ABCA13: variants seen among roughly 807,000 people sequenced by gnomAD.
ABCA13 encodes ATP-binding cassette sub-family A member 13.
ABCA13 carries 476 observed loss-of-function variants against 478.7 expected under a neutral mutation model. The observed-to-expected ratio is 0.99, with a 90% CI of 0.92 to 1.07. ABCA13 has a LOEUF of 1.07. Among genes scored for constraint, ABCA13 ranks in the 50% least tolerant of loss-of-function variants. The pLI is 0.00. For missense variants in ABCA13, 6,060 were observed against 5,910.6 expected, an observed-to-expected ratio of 1.03 and a Z score of -0.83; for synonymous variants, 2,252 against 2,158.9, an observed-to-expected ratio of 1.04 and a Z score of -1.20.
At chr7:48,533,658 A>G (rs1429816626) in intron 55 of ABCA13, among the ~76,000 whole-genome samples, 1 of 152,056 alleles carries the variant, frequency 6.6e-6, no homozygotes, top group Non-Finnish European at 1.5e-5. Flanking sequence ...TAATTGTTTT[A>G]TAAATTTAGG....
chr7:48,434,199 A>G (rs1822522518), intron 42 of ABCA13, among the ~76,000 whole-genome samples: 1 of 151,924 alleles, frequency 6.6e-6, no homozygotes, highest in South Asian at 2.1e-4. Context: ...TTAAATAATA[A>G]TCATCCTAAT....
intron 3 of ABCA13, among the ~76,000 whole-genome samples, chr7:48,201,169 A>T (rs1173948487): frequency 1.3e-5 from 2 of 152,258 alleles, no homozygotes; most frequent in Non-Finnish European, 2.9e-5. Flanking sequence ...CTCCTGAGTC[A>T]TTCAATAAGA....
rs767977899 is a variant in ABCA13, at chr7:48,274,865, C to A, written c.5199C>A (p.Arg1733=). The change falls in exon 17 of 62, where the codon CGC becomes CGA. Residue 1733 remains arginine (R), a synonymous_variant. Transcript: ENST00000435803. Reference sequence around the variant, plus strand: ...TTAATCATCTGCTGCAGCTCTCACGCCTGTTTCCTAAAGATGTTGTGGATG... The same window carrying A: ...TTAATCATCTGCTGCAGCTCTCACGACTGTTTCCTAAAGATGTTGTGGATG... ...WNVNHLLQLS[R]LFPKDVVDAV... 2.5e-6 allele frequency: 4 copies of A among 1,613,916 alleles called. No homozygotes were observed. In the South Asian group the frequency reaches 4.4e-5, roughly 18 times the overall value.
intron 55 of ABCA13, among the ~76,000 whole-genome samples, chr7:48,555,706 T>G (rs1302819397): frequency 6.6e-6 from 1 of 151,872 alleles, no homozygotes; most frequent in Non-Finnish European, 1.5e-5. Context: ...GTTTTCCCTC[T>G]TTTTTTCTCA....
At chr7:48,538,750 A>C (rs1382688950) in intron 55 of ABCA13, among the ~76,000 whole-genome samples, 1 of 151,826 alleles carries the variant, frequency 6.6e-6, no homozygotes, top group Non-Finnish European at 1.5e-5. Flanking sequence ...CATTTAAATG[A>C]TTTTTTTTGA....
At chr7:48,466,488 T>C (rs1826888264) in intron 43 of ABCA13, among the ~76,000 whole-genome samples, 1 of 152,224 alleles carries the variant, frequency 6.6e-6, no homozygotes, top group Non-Finnish European at 1.5e-5. Flanking sequence ...CCAAATGATA[T>C]TTCTTACATT....
chr7:48,447,944 G>T (rs1824502498), intron 42 of ABCA13, among the ~76,000 whole-genome samples: 2 of 152,276 alleles, frequency 1.3e-5, no homozygotes, highest in South Asian at 4.2e-4. Flanking sequence ...GAGAAGATTT[G>T]ATAGTAGGGA....
chr7:48,188,552 A>G (rs1796660944), intron 1 of ABCA13, among the ~76,000 whole-genome samples: 1 of 152,016 alleles, frequency 6.6e-6, no homozygotes, highest in African/African-American at 2.4e-5. Context: ...TCTGCTCTAG[A>G]AACTTTTTTT....
chr7:48,274,200 G>A lies in ABCA13; in HGVS notation c.4534G>A (p.Asp1512Asn). Reference protein sequence around the residue: ...MSINNLTTDFDFASQSNWRYF... With the variant: ...MSINNLTTDFNFASQSNWRYF... Reference sequence around the variant, plus strand: ...TATCAACAACTTAACAACAGACTTTGATTTTGCATCTCAGTCCAATTGGAG... The same window carrying A: ...TATCAACAACTTAACAACAGACTTTAATTTTGCATCTCAGTCCAATTGGAG... Residue 1512 changes from aspartate (D) to asparagine (N), a missense_variant, in exon 17 of 62, where the codon GAT becomes AAT. Physicochemically the swap from Asp to Asn is conservative, Grantham distance 23. Around this residue, in one of 3 missense-constraint regions of ABCA13, gnomAD observed 4,423 missense variants for 4,309.1 expected, o/e 1.03. Transcript: ENST00000435803. 1 of 1,612,514 alleles carries A rather than the reference G, an allele frequency of 6.2e-7. No homozygotes were observed. The highest frequency in any genetic ancestry group is 1.3e-5 in the African/African-American group (1 of 75,020).
intron 1 of ABCA13, among the ~76,000 whole-genome samples, chr7:48,176,624 C>T (rs976609977): frequency 1.3e-5 from 2 of 152,100 alleles, no homozygotes; most frequent in Admixed American, 6.5e-5. Flanking sequence ...AGGGAGAAGC[C>T]TATTAGACTG....
Position 48,273,253 on chromosome 7 carries a change from G to T in ABCA13, c.3587G>T (p.Cys1196Phe). 2 of 1,613,640 alleles carry T rather than the reference G, an allele frequency of 1.2e-6. No homozygotes were observed. The highest frequency in any genetic ancestry group is 1.7e-4 in the Middle Eastern group (1 of 6,060). Residue 1196 changes from cysteine to phenylalanine, a missense_variant, in exon 17 of 62, where the codon TGC becomes TTC. By Grantham distance (205) the Cys-to-Phe change is radical. This residue lies in a region of ABCA13 where 4,423 missense variants were observed against 4,309.1 expected (regional missense o/e 1.03). Transcript: ENST00000435803. ...LEDDVKVSKS[C>F]QGILPTHNVA... The stretch of plus-strand genomic sequence containing the variant: ...GATGATGTGAAAGTCTCTAAAAGCT[G>T]CCAGGGTATACTTCCCACCCATAAT...
rs923684159 is a variant in ABCA13 at position 48,275,229 on chromosome 7, G to A, written c.5563G>A (p.Val1855Met). 1 of 1,613,872 alleles carries A rather than the reference G, an allele frequency of 6.2e-7. No homozygotes were observed. The highest frequency in any genetic ancestry group is 1.7e-5 in the Admixed American group (1 of 59,994). The change falls in exon 17 of 62, where the codon GTG becomes ATG. Residue 1855 changes from valine to methionine, a missense_variant. By Grantham distance (21) the Val-to-Met change is conservative. This residue lies in a region of ABCA13 where 4,423 missense variants were observed against 4,309.1 expected (regional missense o/e 1.03). Transcript: ENST00000435803. ...CATGTCTTCTTCCTTTTATGGCAAA[G>A]TGGCCAGTATACTTGATCATTTCCA... ...GLMSSSFYGK[V>M]ASILDHFHLS...
rs1404822191 is a variant in ABCA13, at chr7:48,279,404, T to C, written c.8210T>C (p.Met2737Thr). ...ACAGAAATAGGATCTTTCTTGAAAA[T>C]GGTGATCTGTCTCACCTTAGAAGCT... ...NSTEIGSFLK[M>T]VICLTLEALW... The change falls in exon 18 of 62, where the codon ATG (methionine) becomes ACG (threonine). Residue 2737 changes from methionine to threonine, a missense_variant. Met to Thr is a moderately conservative substitution (Grantham distance 81, BLOSUM62 -1). Around this residue, in one of 3 missense-constraint regions of ABCA13, gnomAD observed 4,423 missense variants for 4,309.1 expected, o/e 1.03. Coordinates refer to ENST00000435803, the MANE Select transcript of ABCA13 (RefSeq NM_152701.5). The C allele has an allele frequency of 3.1e-6, 5 of 1,600,994 alleles. No homozygotes were observed. Among genetic ancestry groups the C allele is most frequent in the East Asian group, 2.2e-5 (1 of 44,696 alleles).
chr7:48,347,352 A>G (rs958987630), intron 29 of ABCA13, among the ~76,000 whole-genome samples: 2 of 152,172 alleles, frequency 1.3e-5, no homozygotes, highest in Non-Finnish European at 2.9e-5. Flanking sequence ...CACCTTCTCA[A>G]GGCTCATCCA....
At chr7:48,474,625 A>G (rs1827878080) in intron 45 of ABCA13, among the ~76,000 whole-genome samples, 1 of 152,222 alleles carries the variant, frequency 6.6e-6, no homozygotes, top group African/African-American at 2.4e-5. Flanking sequence ...AGGAGGAACA[A>G]GACAAGGTTT....
At chr7:48,277,199 A>G (rs1796412047) in intron 17 of ABCA13, among the ~76,000 whole-genome samples, 1 of 152,186 alleles carries the variant, frequency 6.6e-6, no homozygotes, top group Non-Finnish European at 1.5e-5. Flanking sequence ...TAAGTCTGCA[A>G]TCAGTAGGGC....
At chr7:48,519,692 C>T (rs1483210057) in intron 52 of ABCA13, among the ~76,000 whole-genome samples, 1 of 152,190 alleles carries the variant, frequency 6.6e-6, no homozygotes, top group East Asian at 1.9e-4. Context: ...GTTTGTGCAC[C>T]TGCATCCCCC....
chr7:48,295,521 C>G (rs1234481245), intron 20 of ABCA13, among the ~76,000 whole-genome samples, 179 bp from the exon 21 acceptor site: 4 of 152,200 alleles, frequency 2.6e-5, no homozygotes, highest in Admixed American at 1.3e-4. Flanking sequence ...AACAGCGGAG[C>G]CAGGAGTAAA....
intron 45 of ABCA13, among the ~76,000 whole-genome samples, chr7:48,473,242 G>A (rs1021717481): frequency 6.6e-6 from 1 of 152,166 alleles, no homozygotes; most frequent in Non-Finnish European, 1.5e-5. Context: ...ACCCTTCAAG[G>A]TGGATGTGCC....
Sources: allele counts gnomAD v4.1 joint callset (sites outside exome capture counted in the v4.1 genomes callset), GRCh38; gene constraint gnomAD v4.1.1; regional missense constraint gnomAD v4.1.1; transcripts MANE v1.5; gene names NCBI Gene and HGNC (gene_info 2026-07-23, HGNC 2026-07-21).